KANK1: variants seen among roughly 807,000 people sequenced by gnomAD.
KANK1 encodes KN motif and ankyrin repeat domains 1.
A neutral mutation model predicts 106.2 loss-of-function variants in KANK1; 109 were observed. That is an observed-to-expected ratio of 1.03 (90% confidence interval 0.88 to 1.20). KANK1 has a LOEUF of 1.20. Among genes scored for constraint, KANK1 ranks in the 50% most tolerant of loss-of-function variants. KANK1 has a pLI of 0.00. For missense variants in KANK1, 2,399 were observed against 1,710.7 expected, an observed-to-expected ratio of 1.40 and a Z score of -7.10; for synonymous variants, 873 against 652.2, an observed-to-expected ratio of 1.34 and a Z score of -5.16.
intron 1 of KANK1, among the ~76,000 whole-genome samples, chr9:559,272 G>T (rs1468962249): frequency 2.0e-5 from 3 of 152,144 alleles, no homozygotes; most frequent in Admixed American, 2.0e-4. Flanking sequence ...TTTTTGCAGA[G>T]ATCATCCATT....
intron 3 of KANK1, among the ~76,000 whole-genome samples, chr9:494,562 G>A (rs1036259768): frequency 6.6e-6 from 1 of 152,114 alleles, no homozygotes; most frequent in Non-Finnish European, 1.5e-5. Flanking sequence ...CTACCATCTT[G>A]GTCATTCTAA....
intron 1 of KANK1, among the ~76,000 whole-genome samples, chr9:615,156 A>G (rs1275346712): frequency 2.0e-5 from 3 of 152,106 alleles, no homozygotes; most frequent in African/African-American, 7.2e-5. Context: ...ACTGGTCCTG[A>G]ACTCCTGGCC....
At chr9:667,686 T>G (rs1370956346) in intron 1 of KANK1, among the ~76,000 whole-genome samples, 1 of 152,052 alleles carries the variant, frequency 6.6e-6, no homozygotes, top group East Asian at 1.9e-4. Context: ...TCATTGTTTA[T>G]TCAGGAGCAT....
chr9:477,700 A>G (rs1295408102), intron 3 of KANK1: 1 of 152,292 alleles, frequency 6.6e-6, no homozygotes, highest in East Asian at 1.9e-4. Flanking sequence ...TCTGCTCCTC[A>G]CTTAAAACTC....
intron 1 of KANK1, among the ~76,000 whole-genome samples, chr9:566,371 C>A (rs920858092): frequency 6.6e-6 from 1 of 152,104 alleles, no homozygotes; most frequent in Admixed American, 6.6e-5. Flanking sequence ...TTGGTGTACA[C>A]CCAGTAATGG....
At chr9:608,468 G>A (rs1193323408) in intron 1 of KANK1, among the ~76,000 whole-genome samples, 1 of 151,680 alleles carries the variant, frequency 6.6e-6, no homozygotes, top group Non-Finnish European at 1.5e-5. Context: ...TCTAATGTTG[G>A]CCAATGTTAC....
chr9:516,998 T>TACACACACACACAC (rs148954863), intron 1 of KANK1, among the ~76,000 whole-genome samples: 1,912 of 145,518 alleles, frequency 0.013, 66 homozygotes, highest in African/African-American at 0.033. Flanking sequence ...CATCACCCTC[T>TACACACACACACAC]ACACACACAC....
chr9:518,795 GA>G (rs2059415197), intron 1 of KANK1, among the ~76,000 whole-genome samples: 1 of 151,666 alleles, frequency 6.6e-6, no homozygotes, highest in Non-Finnish European at 1.5e-5. Flanking sequence ...ACTCTGGCAG[GA>G]AGTAAAGGGT....
intron 1 of KANK1, among the ~76,000 whole-genome samples, chr9:600,509 A>G (rs76142862): frequency 0.041 from 6,170 of 152,034 alleles, 165 homozygotes; most frequent in Non-Finnish European, 0.055. Flanking sequence ...TAATCTAAAT[A>G]GAATATAAAT....
In KANK1 at chr9:524,982, C is replaced by CTTTTTTTTTTTTTTTTTTTTT. The variant is rs35377139; in HGVS notation, c.-84+20230_-84+20250dup. Reference sequence around the variant, plus strand: ...TTAGTCAATCCCAAACTCTTGCTGCCTTTTTTTTTTTTTTTTTTTTTTGAG... The same window carrying CTTTTTTTTTTTTTTTTTTTTT: ...TTAGTCAATCCCAAACTCTTGCTGCCTTTTTTTTTTTTTTTTTTTTTTTTTTTTTTTTTTTTTTTTTTTGAG... On this transcript the variant is annotated intron_variant, in intron 1 of 11. Transcript: ENST00000382297. Among the ~76,000 whole-genome samples the CTTTTTTTTTTTTTTTTTTTTT allele has an allele frequency of 8.7e-5, 8 of 91,960 alleles. 2 individuals carry two copies. Among genetic ancestry groups the CTTTTTTTTTTTTTTTTTTTTT allele is most frequent in the African/African-American group, 2.8e-4 (6 of 21,336 alleles). 60.3% of individuals were successfully genotyped at this position (91,960 alleles called of 152,430 possible).
intron 2 of KANK1, among the ~76,000 whole-genome samples, chr9:688,613 AGAGT>A (rs1819125163): frequency 6.8e-6 from 1 of 148,100 alleles, no homozygotes; most frequent in Admixed American, 6.8e-5. Flanking sequence ...AAAAAAAAAA[AGAGT>A]GAGAAAGAAA....
At chr9:498,731 ACTT>A (rs1237666228) in intron 3 of KANK1, among the ~76,000 whole-genome samples, 2 of 152,244 alleles carry the variant, frequency 1.3e-5, no homozygotes, top group African/African-American at 4.8e-5. Context: ...GTGAGATACT[ACTT>A]CATAGCCACT....
intron 1 of KANK1, among the ~76,000 whole-genome samples, chr9:647,828 C>T (rs1840023549): frequency 6.7e-6 from 1 of 150,370 alleles, no homozygotes; most frequent in Non-Finnish European, 1.5e-5. Flanking sequence ...CCCAGATCTT[C>T]CATGGGTAAT....
chr9:653,947 A>T (rs1725221542), intron 1 of KANK1, among the ~76,000 whole-genome samples: 1 of 152,120 alleles, frequency 6.6e-6, no homozygotes, highest in Admixed American at 6.5e-5. Context: ...TTTTTTGCAG[A>T]GTGTGCCACC....
At chr9:586,147 T>C (rs566563875) in intron 1 of KANK1, among the ~76,000 whole-genome samples, 4 of 152,314 alleles carry the variant, frequency 2.6e-5, no homozygotes, top group East Asian at 3.9e-4. Context: ...ATTTTATGCA[T>C]AGTGAGATGG....
chr9:528,836 G>T (rs548166161), intron 1 of KANK1, among the ~76,000 whole-genome samples: 2 of 152,018 alleles, frequency 1.3e-5, no homozygotes, highest in East Asian at 1.9e-4. Flanking sequence ...GATCTTATTT[G>T]TAAGCCAGGC....
At chr9:640,066 C>T (rs780901730) in intron 1 of KANK1, among the ~76,000 whole-genome samples, 5 of 152,050 alleles carry the variant, frequency 3.3e-5, no homozygotes, top group Non-Finnish European at 2.9e-5. Context: ...TCTCAGACCT[C>T]GTTGTACTCA....
intron 3 of KANK1, among the ~76,000 whole-genome samples, chr9:473,803 G>A (rs2058059848): frequency 6.6e-6 from 1 of 151,968 alleles, no homozygotes. Context: ...TGGTTCAAGT[G>A]ATTCTCCTGC....
chr9:503,305 C>T (rs1330639702), upstream of KANK1, among the ~76,000 whole-genome samples: 1 of 151,986 alleles, frequency 6.6e-6, no homozygotes, highest in Non-Finnish European at 1.5e-5. Flanking sequence ...ACTCTACAGA[C>T]GAAAAAGCAA....
Sources: gnomAD v4.1 joint callset for allele counts (sites outside exome capture counted in the v4.1 genomes callset) on GRCh38, gnomAD v4.1.1 for gene constraint, MANE v1.5 for transcripts, NCBI Gene and HGNC (gene_info 2026-07-23, HGNC 2026-07-21) for gene names.